Variants in DNAH8 observed in about 807,000 individuals in gnomAD.
DNAH8 encodes the protein dynein axonemal heavy chain 8.
DNAH8 carries 382 observed loss-of-function variants against 562.1 expected under a neutral mutation model. That is an observed-to-expected ratio of 0.68 (90% CI 0.63 to 0.74). The LOEUF (loss-of-function observed/expected upper bound fraction) is 0.74. DNAH8 is among the 30% of genes least tolerant of loss of function. DNAH8 has a pLI of 0.00. For missense variants in DNAH8, 5,203 were observed against 5,620.4 expected, an observed-to-expected ratio of 0.93 and a Z score of 2.37; for synonymous variants, 1,881 against 1,919.4, an observed-to-expected ratio of 0.98 and a Z score of 0.52.
At chr6:38,810,492 T>C (rs1165191627) in intron 24 of DNAH8, among the ~76,000 whole-genome samples, 2 of 152,006 alleles carry the variant, frequency 1.3e-5, no homozygotes, top group African/African-American at 4.8e-5. Flanking sequence ...CTAGGGAGGC[T>C]GTGGCAGGAG....
At chr6:38,801,336 T>C (rs1770761660) in intron 21 of DNAH8, among the ~76,000 whole-genome samples, 1 of 152,228 alleles carries the variant, frequency 6.6e-6, no homozygotes, top group African/African-American at 2.4e-5. Flanking sequence ...ATTGGAAACG[T>C]ATGGAAAAAT....
chr6:38,897,920 C>T (rs1583301069), intron 60 of DNAH8, among the ~76,000 whole-genome samples: 1 of 152,130 alleles, frequency 6.6e-6, no homozygotes, highest in East Asian at 1.9e-4. Flanking sequence ...AATGTAAAAC[C>T]TTTTTATATT....
At position 38,806,062 on chromosome 6, in the gene DNAH8, T is replaced by A. The variant is rs568484348; in HGVS notation, c.3150+466T>A. Reference sequence around the variant, plus strand: ...CCAGGAGAAGCCCTAGATAGGCAGATTTTCACATTGAGTTGAAATGTGTTG... The same window carrying A: ...CCAGGAGAAGCCCTAGATAGGCAGAATTTCACATTGAGTTGAAATGTGTTG... On this transcript the variant is annotated intron_variant, in intron 23 of 92. Coordinates refer to ENST00000327475, the MANE Select transcript of DNAH8 (RefSeq NM_001206927.2). Among the ~76,000 whole-genome samples, 37 of 152,274 alleles carry A rather than the reference T, an allele frequency of 2.4e-4. 1 individual carries two copies. The highest frequency in any genetic ancestry group is 8.5e-4 in the Admixed American group (13 of 15,302).
intron 26 of DNAH8, among the ~76,000 whole-genome samples, chr6:38,817,115 G>A (rs1772356149): frequency 6.6e-6 from 1 of 152,182 alleles, no homozygotes; most frequent in South Asian, 2.1e-4. Context: ...GGCCAAGGCA[G>A]GTGGATCATC....
chr6:38,823,873 A>G (rs1446285212), intron 28 of DNAH8, among the ~76,000 whole-genome samples, 185 bp downstream of exon 28: 2 of 152,084 alleles, frequency 1.3e-5, no homozygotes. Context: ...TATACCATTA[A>G]AAGTAATGGC....
At chr6:38,987,444 A>C (rs562226066) in intron 87 of DNAH8, among the ~76,000 whole-genome samples, 7 of 152,276 alleles carry the variant, frequency 4.6e-5, no homozygotes, top group African/African-American at 1.7e-4. Context: ...CCTGATCTAA[A>C]AGCACAGGGT....
chr6:38,959,098 T>C (rs1762452173), intron 82 of DNAH8, among the ~76,000 whole-genome samples: 1 of 152,124 alleles, frequency 6.6e-6, no homozygotes. Context: ...ATAAAAACCC[T>C]AAACTAATTA....
At chr6:38,790,995 G>A (rs1358986702) in intron 20 of DNAH8, among the ~76,000 whole-genome samples, 5 of 152,052 alleles carry the variant, frequency 3.3e-5, no homozygotes, top group Non-Finnish European at 2.9e-5. Flanking sequence ...GTCAAAAGTG[G>A]CAGAGGAGAG....
At chr6:38,805,962 C>T (rs1187070811) in intron 23 of DNAH8, among the ~76,000 whole-genome samples, 1 of 152,160 alleles carries the variant, frequency 6.6e-6, no homozygotes, top group African/African-American at 2.4e-5. Flanking sequence ...ATTGCAAGTC[C>T]AGATTGTGGT....
At chr6:38,882,357 T>C (rs1407914522) in intron 53 of DNAH8, among the ~76,000 whole-genome samples, 2 of 152,220 alleles carry the variant, frequency 1.3e-5, no homozygotes, top group Non-Finnish European at 2.9e-5. Flanking sequence ...TTGGTACACA[T>C]ATACCATGGA....
At chr6:39,027,877 GT>G (rs1286267534) in intron 92 of DNAH8, among the ~76,000 whole-genome samples, 1 of 152,148 alleles carries the variant, frequency 6.6e-6, no homozygotes, top group Non-Finnish European at 1.5e-5. Flanking sequence ...AGATTTAAAT[GT>G]GATCATTTAG....
At chr6:39,003,811 T>C (rs1387618115) in intron 88 of DNAH8, among the ~76,000 whole-genome samples, 2 of 152,218 alleles carry the variant, frequency 1.3e-5, no homozygotes, top group Admixed American at 6.5e-5. Context: ...GATTATTGCT[T>C]CTAAAACAGC....
rs1456834348 is a variant in DNAH8, at chr6:38,783,223, C to G, written c.2395+84C>G. 3.3e-6 allele frequency: 4 copies of G among 1,224,882 alleles called. No homozygotes were observed. In the African/African-American group the frequency reaches 6.0e-5, roughly 18 times the overall value. The allele number at this position is 1,224,882 out of a possible 1,614,324, so 75.9% of individuals were successfully genotyped here. ...CATAGTTCTGGAGAACTTTTTCCATCCCTTCCACATAATCTTAGGATAGTT... is the reference window on the plus strand; with the variant it reads ...CATAGTTCTGGAGAACTTTTTCCATGCCTTCCACATAATCTTAGGATAGTT... On this transcript the variant is annotated intron_variant, in intron 17 of 92. Coordinates refer to ENST00000327475, the MANE Select transcript of DNAH8 (RefSeq NM_001206927.2).
At chr6:38,947,046 G>T (rs974114602) in intron 80 of DNAH8, among the ~76,000 whole-genome samples, 1 of 152,204 alleles carries the variant, frequency 6.6e-6, no homozygotes, top group South Asian at 2.1e-4. Context: ...CAATAACCCT[G>T]CCACAGAAGG....
At chr6:38,992,182 G>C (rs762036959) in intron 88 of DNAH8, among the ~76,000 whole-genome samples, 8 of 152,130 alleles carry the variant, frequency 5.3e-5, no homozygotes, top group Non-Finnish European at 8.8e-5. Context: ...GGTCAGGCTG[G>C]TCTCAAACTC....
At chr6:38,961,368 A>G (rs1762593692) in intron 82 of DNAH8, among the ~76,000 whole-genome samples, 1 of 152,050 alleles carries the variant, frequency 6.6e-6, no homozygotes, top group South Asian at 2.1e-4. Flanking sequence ...TGATCATTAC[A>G]CAATGTATAC....
intron 88 of DNAH8, among the ~76,000 whole-genome samples, chr6:39,005,905 A>G (rs1159355106): frequency 6.6e-6 from 1 of 152,210 alleles, no homozygotes; most frequent in Non-Finnish European, 1.5e-5. Context: ...ACTGTGATGT[A>G]TCTACATGTA....
At chr6:38,789,693 G>C in intron 18 of DNAH8, 110 bp from the exon 19 acceptor site, 1 of 716,684 alleles carries the variant, frequency 1.4e-6, no homozygotes, top group Non-Finnish European at 2.3e-6. Flanking sequence ...CTGTCATGAT[G>C]ACAGGACTAC....
chr6:38,747,384 C>CTTTTTTTTTTTTTTTTTTTT (rs55729629), intron 8 of DNAH8, among the ~76,000 whole-genome samples: 9 of 113,776 alleles, frequency 7.9e-5, no homozygotes, highest in African/African-American at 1.8e-4. Flanking sequence ...TTTTCTTTTT[C>CTTTTTTTTTTTTTTTTTTTT]TTTTTTTTTT....
Sources: allele counts gnomAD v4.1 joint callset (sites outside exome capture counted in the v4.1 genomes callset), GRCh38; gene constraint gnomAD v4.1.1; transcripts MANE v1.5; gene names NCBI Gene and HGNC (gene_info 2026-07-23, HGNC 2026-07-21).